The following R3HDM1 variants were observed in gnomAD, a reference collection of about 807,000 sequenced individuals.
R3HDM1 encodes the protein R3H domain-containing protein 1.
A neutral mutation model predicts 141.1 loss-of-function variants in R3HDM1; 46 were observed. The observed-to-expected ratio is 0.33, with a 90% CI of 0.26 to 0.42. R3HDM1 has a LOEUF of 0.42. Ranked by LOEUF, R3HDM1 falls within the 10% of genes least tolerant of loss-of-function variation. The pLI is 1.00. For synonymous variants in R3HDM1, 435 were observed against 472.9 expected, an observed-to-expected ratio of 0.92 and a Z score of 1.04; for missense variants, 1,184 against 1,368.3, an observed-to-expected ratio of 0.87 and a Z score of 2.12.
At chr2:135,536,690 C>G (rs1482622223) in intron 1 of R3HDM1, 1 of 975,582 alleles carries the variant, frequency 1.0e-6, no homozygotes, top group East Asian at 1.1e-4. Context: ...ATATAAATTA[C>G]TTTTGTGGGT....
intron 1 of R3HDM1, among the ~76,000 whole-genome samples, chr2:135,558,070 T>C (rs1412027294): frequency 6.6e-6 from 1 of 152,190 alleles, no homozygotes; most frequent in Non-Finnish European, 1.5e-5. Context: ...ATTAGAAATA[T>C]CGAGTTATAG....
At chr2:135,626,009 C>T (rs2061981695) in intron 7 of R3HDM1, among the ~76,000 whole-genome samples, 1 of 152,186 alleles carries the variant, frequency 6.6e-6, no homozygotes, top group Non-Finnish European at 1.5e-5. Flanking sequence ...GGAACCCCAA[C>T]TTGAAGCTGG....
intron 1 of R3HDM1, among the ~76,000 whole-genome samples, chr2:135,533,370 A>C (rs1695342177): frequency 6.6e-6 from 1 of 152,252 alleles, no homozygotes; most frequent in African/African-American, 2.4e-5. Flanking sequence ...CTGCCAGCAT[A>C]GTATTTTCCA....
In R3HDM1 at chr2:135,570,551, T is replaced by C. The variant is rs1298981877; in HGVS notation, c.-249-31949T>C. Among the ~76,000 whole-genome samples, 5 of 152,226 alleles carry C rather than the reference T, an allele frequency of 3.3e-5. No individual in the cohort carries two copies. In the East Asian group the frequency reaches 9.6e-4, roughly 29 times the overall value. On this transcript the variant is annotated intron_variant, in intron 1 of 26. Coordinates refer to ENST00000683871, the MANE Select transcript of R3HDM1 (RefSeq NM_001378107.1). Reference sequence around the variant, plus strand: ...TACTCAAAGGGAAAGAAGAACTTTTTTGGAAAAACAAATTATGGATTGCAT... The same window carrying C: ...TACTCAAAGGGAAAGAAGAACTTTTCTGGAAAAACAAATTATGGATTGCAT...
At chr2:135,677,918 G>A (rs547621554) in intron 20 of R3HDM1, among the ~76,000 whole-genome samples, 41 of 151,862 alleles carry the variant, frequency 2.7e-4, no homozygotes, top group East Asian at 5.8e-4. Flanking sequence ...AGTAGTGGTC[G>A]GTCGCTTGCT....
chr2:135,628,053 A>G lies in R3HDM1; in HGVS notation c.498-3665A>G, dbSNP rs754354272. Among the ~76,000 whole-genome samples, 5 of 152,298 alleles carry G rather than the reference A, an allele frequency of 3.3e-5. No individual in the cohort carries two copies. The East Asian group carries it at 5.8e-4, about 18-fold the overall frequency. ...CAGTTCATTTTAAAGGTTACACGAT[A>G]GAAGTTTTAGTTTGTGCCTACTTTT... On this transcript the variant is annotated intron_variant, in intron 7 of 26. Transcript: ENST00000683871.
intron 1 of R3HDM1, among the ~76,000 whole-genome samples, chr2:135,589,318 C>CAGCT (rs1708683931): frequency 6.6e-6 from 1 of 152,166 alleles, no homozygotes; most frequent in Non-Finnish European, 1.5e-5. Flanking sequence ...TTTTCACATA[C>CAGCT]AGCTCTTCCT....
chr2:135,691,197 C>T (rs561255872), intron 21 of R3HDM1, among the ~76,000 whole-genome samples: 54 of 152,290 alleles, frequency 3.5e-4, no homozygotes, highest in African/African-American at 5.1e-4. Context: ...CAGAAATAAT[C>T]ACTGATAAAT....
intron 20 of R3HDM1, among the ~76,000 whole-genome samples, 153 bp downstream of exon 20, chr2:135,675,639 T>C (rs1259581537): frequency 9.0e-6 from 1 of 110,940 alleles, no homozygotes; most frequent in East Asian, 6.0e-4. Flanking sequence ...TTCTGTAATA[T>C]ACAACTTTAT....
intron 21 of R3HDM1, among the ~76,000 whole-genome samples, chr2:135,699,105 T>TAGATAGATAGATAGATAGATA (rs1332113353): frequency 5.3e-4 from 39 of 73,740 alleles, no homozygotes; most frequent in African/African-American, 1.4e-3. Context: ...ATAGATAGAT[T>TAGATAGATAGATAGATAGATA]AGATATTCCA....
chr2:135,661,405 T>C lies in R3HDM1; in HGVS notation c.2152+12T>C. ...TGCGCAGCAGACAGGTGAGTTGTGTTTCTTATGTCATAACTTCTGAGCCAC... is the reference window on the plus strand; with the variant it reads ...TGCGCAGCAGACAGGTGAGTTGTGTCTCTTATGTCATAACTTCTGAGCCAC... On this transcript the variant is annotated intron_variant, in intron 19 of 26. Coordinates refer to ENST00000683871, the MANE Select transcript of R3HDM1 (RefSeq NM_001378107.1). 1 of 1,613,454 alleles carries C rather than the reference T, an allele frequency of 6.2e-7. No homozygotes were observed. The highest frequency in any genetic ancestry group is 8.5e-7 in the Non-Finnish European group (1 of 1,179,548).
At chr2:135,581,258 G>A (rs1574044607) in intron 1 of R3HDM1, 1 of 985,412 alleles carries the variant, frequency 1.0e-6, no homozygotes, top group African/African-American at 1.7e-5. Flanking sequence ...AGATCCTTGA[G>A]AGCATTGTCT....
intron 2 of R3HDM1, among the ~76,000 whole-genome samples, chr2:135,603,357 A>T (rs969322238): frequency 6.6e-6 from 1 of 152,178 alleles, no homozygotes; most frequent in Non-Finnish European, 1.5e-5. Flanking sequence ...AAATTGATAT[A>T]GAGAAAATAA....
At position 135,724,324 on chromosome 2, in the gene R3HDM1, T is replaced by G; in HGVS notation, c.*32T>G. ...CCTTTGGACCCTTCGCCTTTATGGTTCCCCTGCCCTCTCCCATCTTTGATT... is the reference window on the plus strand; with the variant it reads ...CCTTTGGACCCTTCGCCTTTATGGTGCCCCTGCCCTCTCCCATCTTTGATT... On this transcript the variant is annotated 3_prime_UTR_variant, in exon 27 of 27. Transcript: ENST00000683871. 1.4e-6 allele frequency: 2 copies of G among 1,463,988 alleles called. No individual in the cohort carries two copies. Among genetic ancestry groups the G allele is most frequent in the Non-Finnish European group, 1.9e-6 (2 of 1,068,232 alleles). The allele number at this position is 1,463,988 out of a possible 1,614,324, so 90.7% of individuals were successfully genotyped here.
intron 1 of R3HDM1, chr2:135,559,082 T>TGTGTGTGTGTGCATGC: frequency 1.0e-6 from 1 of 953,786 alleles, no homozygotes; most frequent in Non-Finnish European, 1.2e-6. Context: ...TGTGTGTGTG[T>TGTGTGTGTGTGCATGC]GTGTGTGTGT....
intron 9 of R3HDM1, among the ~76,000 whole-genome samples, chr2:135,632,809 T>C (rs1177184481): frequency 6.6e-6 from 1 of 152,210 alleles, no homozygotes; most frequent in Admixed American, 6.5e-5. Context: ...AGCAGTCAAC[T>C]TCAGATGGCA....
intron 23 of R3HDM1, among the ~76,000 whole-genome samples, chr2:135,710,572 C>A (rs550278592): frequency 8.1e-4 from 123 of 152,168 alleles, no homozygotes; most frequent in African/African-American, 2.7e-3. Flanking sequence ...TCGCCTGAAC[C>A]CAGGTGAGTG....
In R3HDM1 at chr2:135,540,329, TCCA is replaced by T. The variant is rs377033977; in HGVS notation, c.-250+8698_-250+8700del. Among the ~76,000 whole-genome samples the T allele has an allele frequency of 3.9e-5, 6 of 152,328 alleles. No individual in the cohort carries two copies. The East Asian group carries it at 1.2e-3, about 29-fold the overall frequency. Reference sequence around the variant, plus strand: ...TCCATAAAGGTTGAAATCGATTTCTTCCACACTCTTGTTGATATTTTGTAACTT... The same window carrying T: ...TCCATAAAGGTTGAAATCGATTTCTTCACTCTTGTTGATATTTTGTAACTT... On this transcript the variant is annotated intron_variant, in intron 1 of 26. Transcript: ENST00000683871.
At chr2:135,585,287 C>G (rs933929408) in intron 1 of R3HDM1, among the ~76,000 whole-genome samples, 2 of 152,124 alleles carry the variant, frequency 1.3e-5, no homozygotes, top group African/African-American at 4.8e-5. Flanking sequence ...AAGCTGGTAT[C>G]TTTTAGTGTT....
Sources: allele counts gnomAD v4.1 joint callset (sites outside exome capture counted in the v4.1 genomes callset), GRCh38; gene constraint gnomAD v4.1.1; transcripts MANE v1.5; gene names NCBI Gene and HGNC (gene_info 2026-07-23, HGNC 2026-07-21).